Variants in SHISA2 observed in about 807,000 individuals in gnomAD.
SHISA2 encodes the protein shisa family member 2, also known as protein shisa-2 homolog.
A neutral mutation model predicts 23.8 loss-of-function variants in SHISA2; 16 were observed. The observed-to-expected ratio is 0.67, with a 90% CI of 0.46 to 1.02. The LOEUF is 1.02. Among genes scored for constraint, SHISA2 ranks in the 50% least tolerant of loss-of-function variants. The pLI, the probability that SHISA2 is intolerant of heterozygous loss-of-function variation, is 0.00. For missense variants in SHISA2, 459 were observed against 420.1 expected (o/e 1.09, Z -0.81); for synonymous variants, 201 against 178.6 (o/e 1.13, Z -1.00).
intron 1 of SHISA2, among the ~76,000 whole-genome samples, chr13:26,048,020 T>C (rs1044494066): frequency 1.3e-5 from 2 of 152,206 alleles, no homozygotes; most frequent in African/African-American, 2.4e-5. Context: ...AATTAGTTTC[T>C]GGCGGGGCAC....
intron 1 of SHISA2, among the ~76,000 whole-genome samples, chr13:26,048,281 C>T (rs1957279254): frequency 6.6e-6 from 1 of 152,082 alleles, no homozygotes; most frequent in African/African-American, 2.4e-5. Flanking sequence ...CCAGCCTGGG[C>T]AACAGATTGA....
rs1016459673 is a variant in SHISA2 at position 26,044,988 on chromosome 13, A to C, written c.*1525T>G. On this transcript the variant is annotated 3_prime_UTR_variant, in exon 2 of 2. Coordinates refer to ENST00000319420, the MANE Select transcript of SHISA2 (RefSeq NM_001007538.2). Reference sequence around the variant, plus strand: ...AGAACAGTGTGGGAGAAGAAAGGCAATCCTTCGTTGAAAAGCTTTTCTCTT... The same window carrying C: ...AGAACAGTGTGGGAGAAGAAAGGCACTCCTTCGTTGAAAAGCTTTTCTCTT... 9 of 152,202 alleles carry C rather than the reference A, an allele frequency of 5.9e-5. No individual in the cohort carries two copies. Among genetic ancestry groups the C allele is most frequent in the African/African-American group, 2.2e-4 (9 of 41,458 alleles). The allele number at this position is 152,202 out of a possible 1,614,324, so 9.4% of individuals were successfully genotyped here. A position where few individuals can be genotyped will look rare whatever the true frequency, so the allele number is the denominator to read the frequency against.
At position 26,045,816 on chromosome 13, in the gene SHISA2, C is replaced by G. The variant is rs1215572681; in HGVS notation, c.*697G>C. ...AAAAGGCTCAGGCTGGGGGCGGTGG[C>G]TCACGCCTGTAATCCCAGCACTTTG... On this transcript the variant is annotated 3_prime_UTR_variant, in exon 2 of 2. Transcript: ENST00000319420. The G allele has an allele frequency of 1.3e-5, 2 of 151,186 alleles. No homozygotes were observed. Among genetic ancestry groups the G allele is most frequent in the African/African-American group, 4.9e-5 (2 of 41,162 alleles). The allele number at this position is 151,186 out of a possible 1,614,324, so 9.4% of individuals were successfully genotyped here.
Position 26,050,981 on chromosome 13 carries a change from C to A in SHISA2, c.-6G>T, listed in dbSNP as rs908009938. 7 of 1,498,098 alleles carry A rather than the reference C, an allele frequency of 4.7e-6. No homozygotes were observed. Among genetic ancestry groups the A allele is most frequent in the African/African-American group, 1.5e-5 (1 of 68,734 alleles). The allele number at this position is 1,498,098 out of a possible 1,614,324, so 92.8% of individuals were successfully genotyped here. A position where few individuals can be genotyped will look rare whatever the true frequency, so the allele number is the denominator to read the frequency against. ...GAGCGGCGAGCGCCCCACATGGCAC[C>A]ACCCTGGGCGCGGACAGCGCGTCTC... On this transcript the variant is annotated 5_prime_UTR_variant, in exon 1 of 2. Coordinates refer to ENST00000319420, the MANE Select transcript of SHISA2 (RefSeq NM_001007538.2).
Position 26,046,461 on chromosome 13 carries a change from C to G in SHISA2, c.*52G>C, listed in dbSNP as rs556931497. 1 of 1,527,386 alleles carries G rather than the reference C, an allele frequency of 6.5e-7. No homozygotes were observed. Among genetic ancestry groups the G allele is most frequent in the East Asian group, 2.3e-5 (1 of 43,932 alleles). The allele number at this position is 1,527,386 out of a possible 1,614,324, so 94.6% of individuals were successfully genotyped here. ...ATGTGCGGACTTCCACCTCGAGAATCCACCCCTGCCTTCGTCTCCCTTCAG... is the reference window on the plus strand; with the variant it reads ...ATGTGCGGACTTCCACCTCGAGAATGCACCCCTGCCTTCGTCTCCCTTCAG... On this transcript the variant is annotated 3_prime_UTR_variant, in exon 2 of 2. Coordinates refer to ENST00000319420, the MANE Select transcript of SHISA2 (RefSeq NM_001007538.2).
chr13:26,050,593 AGGC>A (rs1957295138), intron 1 of SHISA2, 46 bp downstream of exon 1: 1 of 1,370,862 alleles, frequency 7.3e-7, no homozygotes, highest in Non-Finnish European at 9.4e-7. Flanking sequence ...CCTGACGTCC[AGGC>A]AACGCCAACC....
intron 1 of SHISA2, among the ~76,000 whole-genome samples, chr13:26,048,130 C>T (rs965377524): frequency 2.6e-5 from 4 of 152,054 alleles, no homozygotes; most frequent in African/African-American, 9.7e-5. Flanking sequence ...TGGTGAGACC[C>T]TGTCTCTACT....
Position 26,046,082 on chromosome 13 carries a change from TAAAAAAAAAAA to T in SHISA2, c.*420_*430del, listed in dbSNP as rs56664482. The T allele has an allele frequency of 4.4e-5, 3 of 68,348 alleles. No homozygotes were observed. The highest frequency in any genetic ancestry group is 1.9e-4 in the African/African-American group (3 of 15,414). The allele number at this position is 68,348 out of a possible 1,614,324, so 4.2% of individuals were successfully genotyped here. ...GCAACAGAGCAAGACCCTGTCTGAT[TAAAAAAAAAAA>T]AAAAAAAAAAAAAAGTCCCAGGTAA... On this transcript the variant is annotated 3_prime_UTR_variant, in exon 2 of 2. Transcript: ENST00000319420.
rs566161849 is a variant in SHISA2, at chr13:26,046,932, C to A, written c.469G>T (p.Gly157Cys). The A allele has an allele frequency of 4.3e-6, 7 of 1,613,472 alleles. No individual in the cohort carries two copies. Among genetic ancestry groups the A allele is most frequent in the Non-Finnish European group, 4.2e-6 (5 of 1,179,680 alleles). ...GGGATGGTCTCCATCAAGCGGTTAC[C>A]CCCTGGGGCTCGGCTCTGCTGGGGA... is the stretch of plus-strand genomic sequence containing the variant. ...QDPQQSRAPG[G>C]NRLMETIPMI... The change falls in exon 2 of 2, where the codon GGT becomes TGT. Residue 157 changes from glycine (G) to cysteine (C), a missense_variant. Physicochemically the swap from Gly to Cys is radical, Grantham distance 159. Coordinates refer to ENST00000319420, the MANE Select transcript of SHISA2 (RefSeq NM_001007538.2).
chr13:26,050,500 G>A (rs1004509897), intron 1 of SHISA2, 142 bp downstream of exon 1: 3 of 861,122 alleles, frequency 3.5e-6, no homozygotes, highest in South Asian at 2.3e-5. Context: ...GACCCACACC[G>A]ACCAAATAAT....
rs1036663200 is a variant in SHISA2, at chr13:26,051,815, G to A, written c.-840C>T. ...CCCGGTTCCCCTTCTCCGCCTCCCC[G>A]GCTGCAGCGCGGTCCCACAGGAGCC... On this transcript the variant is annotated 5_prime_UTR_variant, in exon 1 of 2. Coordinates refer to ENST00000319420, the MANE Select transcript of SHISA2 (RefSeq NM_001007538.2). Among the ~76,000 whole-genome samples, 1 of 152,014 alleles carries A rather than the reference G, an allele frequency of 6.6e-6. No homozygotes were observed. The highest frequency in any genetic ancestry group is 1.5e-5 in the Non-Finnish European group (1 of 67,956).
In SHISA2 at chr13:26,050,647, G is replaced by A; in HGVS notation, c.329C>T (p.Ser110Leu). The change falls in exon 1 of 2, where the codon TCG becomes TTG. Residue 110 changes from serine (S) to leucine (L), a missense_variant. Ser to Leu is a moderately radical substitution (Grantham distance 145). Transcript: ENST00000319420. ...CTGGGCGCAGGCCGCCCTACCTGCC[G>A]AGCCGTCGGGGCCGTCTTTGTCCGC... ...GRADKDGPDG[S>L]AVPIYVPFLI... is the part of the protein sequence containing the mutation. The A allele has an allele frequency of 2.1e-6, 3 of 1,399,850 alleles. No homozygotes were observed. Among genetic ancestry groups the A allele is most frequent in the Non-Finnish European group, 2.8e-6 (3 of 1,086,384 alleles). 86.7% of individuals were successfully genotyped at this position (1,399,850 alleles called of 1,614,324 possible). A position where few individuals can be genotyped will look rare whatever the true frequency, so the allele number is the denominator to read the frequency against.
In SHISA2 at chr13:26,045,453, T is replaced by C. The variant is rs1315574462; in HGVS notation, c.*1060A>G. 6.6e-6 allele frequency: 1 copy of C among 152,154 alleles called. No individual in the cohort carries two copies. 9.4% of individuals were successfully genotyped at this position (152,154 alleles called of 1,614,324 possible). A position where few individuals can be genotyped will look rare whatever the true frequency, so the allele number is the denominator to read the frequency against. On this transcript the variant is annotated 3_prime_UTR_variant, in exon 2 of 2. Transcript: ENST00000319420. ...AAGATACAATCAAGAAGGGGATGAA[T>C]GGTTTTATGACTATACCACCTACTA...
intron 1 of SHISA2, 29 bp from the exon 2 acceptor site, chr13:26,047,095 A>G (rs377639125): frequency 2.0e-6 from 3 of 1,514,844 alleles, no homozygotes; most frequent in Admixed American, 2.2e-5. Context: ...ACACAACATT[A>G]TGATCTACTC....
rs1400954095 is a variant in SHISA2, at chr13:26,051,341, C to T, written c.-366G>A. On this transcript the variant is annotated 5_prime_UTR_variant, in exon 1 of 2. Coordinates refer to ENST00000319420, the MANE Select transcript of SHISA2 (RefSeq NM_001007538.2). ...ATCCCCGAAGGGATGCTCACTCGAG[C>T]CGAATGACCGCTGGGCGCGCCGCCG... 6.6e-6 allele frequency among the ~76,000 whole-genome samples: 1 copy of T among 152,128 alleles called. No individual in the cohort carries two copies. The highest frequency in any genetic ancestry group is 2.1e-4 in the South Asian group (1 of 4,830).
intron 1 of SHISA2, among the ~76,000 whole-genome samples, chr13:26,047,405 T>A (rs546669303): frequency 6.6e-6 from 1 of 152,332 alleles, no homozygotes; most frequent in East Asian, 1.9e-4. Flanking sequence ...GTTCTAAACT[T>A]CCTACCATAA....
chr13:26,051,152 A>G lies in SHISA2; in HGVS notation c.-177T>C. On this transcript the variant is annotated 5_prime_UTR_variant, in exon 1 of 2. Transcript: ENST00000319420. ...GACGACGCCGGGCCCTAGGTCCAGG[A>G]GCTCCTAAGCCATCCCCGTCCTCAG... 3.6e-6 allele frequency: 2 copies of G among 561,520 alleles called. No homozygotes were observed. Among genetic ancestry groups the G allele is most frequent in the Non-Finnish European group, 6.0e-6 (2 of 333,244 alleles). The allele number at this position is 561,520 out of a possible 1,614,324, so 34.8% of individuals were successfully genotyped here.
chr13:26,048,931 C>T (rs1957282959), intron 1 of SHISA2, among the ~76,000 whole-genome samples: 1 of 152,198 alleles, frequency 6.6e-6, no homozygotes, highest in Non-Finnish European at 1.5e-5. Context: ...AGCTGGCGCC[C>T]AGCAGTAGAA....
intron 1 of SHISA2, among the ~76,000 whole-genome samples, chr13:26,049,841 CCTCCCCTCCCCCGAAATAAATA>C: frequency 7.1e-6 from 1 of 141,178 alleles, no homozygotes; most frequent in Non-Finnish European, 1.6e-5. Context: ...TACCTCTACA[CCTCCCCTCCCCCGAAATAAATA>C]ACACACACAC....
Sources: allele counts gnomAD v4.1 joint callset (sites outside exome capture counted in the v4.1 genomes callset), GRCh38; gene constraint gnomAD v4.1.1; transcripts MANE v1.5; gene names NCBI Gene and HGNC (gene_info 2026-07-23, HGNC 2026-07-21).